The following PKHD1L1 variants were observed in gnomAD, a reference collection of about 807,000 sequenced individuals.
PKHD1L1 encodes the protein PKHD1 like 1.
PKHD1L1 carries 434 observed loss-of-function variants against 462.9 expected under a neutral mutation model. The observed-to-expected ratio is 0.94, with a 90% CI of 0.87 to 1.02. The LOEUF is 1.02. Among genes scored for constraint, PKHD1L1 ranks in the 50% least tolerant of loss-of-function variants. The probability of loss-of-function intolerance (pLI) is 0.00; values close to 1 mark genes in which losing one functional copy is unlikely to be tolerated. For missense variants in PKHD1L1, 5,202 were observed against 5,096.1 expected (o/e 1.02, Z -0.63); for synonymous variants, 1,781 against 1,750.0 (o/e 1.02, Z -0.44).
At position 109,388,414 on chromosome 8, in the gene PKHD1L1, C is replaced by A. The variant is rs570790223; in HGVS notation, c.570-83C>A. On this transcript the variant is annotated intron_variant, in intron 6 of 77. Coordinates refer to ENST00000378402, the MANE Select transcript of PKHD1L1 (RefSeq NM_177531.6). ...GATTGAGAAAAAAAATTTAAGGGAA[C>A]CAGTGAGTTGATGGGAGGAGTGCAT... The A allele has an allele frequency of 4.4e-5, 42 of 955,142 alleles. 1 individual carries two copies. The South Asian group carries it at 5.9e-4, about 13-fold the overall frequency. 59.2% of individuals were successfully genotyped at this position (955,142 alleles called of 1,614,324 possible).
In PKHD1L1 at chr8:109,404,585, A is replaced by C. The variant is rs1456921652; in HGVS notation, c.1405A>C (p.Arg469=). Residue 469 remains arginine (R), a synonymous_variant, in exon 15 of 78, where the codon AGA becomes CGA. Coordinates refer to ENST00000378402, the MANE Select transcript of PKHD1L1 (RefSeq NM_177531.6). The part of the protein sequence containing the change: ...YYIEILLQEY[R]LSAFVDVGLY... ...TATTGAAATCTTGCTGCAGGAGTAC[A>C]GATTAAGTGCATTTGTTGATGTTGG... 6.3e-7 allele frequency: 1 copy of C among 1,585,450 alleles called. No individual in the cohort carries two copies. Among genetic ancestry groups the C allele is most frequent in the Non-Finnish European group, 8.6e-7 (1 of 1,164,856 alleles).
intron 37 of PKHD1L1, 68 bp downstream of exon 37, chr8:109,443,970 C>A: frequency 7.5e-7 from 1 of 1,336,028 alleles, no homozygotes; most frequent in Non-Finnish European, 1.0e-6. Context: ...TGACGATAAC[C>A]TTGTTATTTA....
chr8:109,518,766 A>G (rs1465816915), intron 73 of PKHD1L1, among the ~76,000 whole-genome samples: 1 of 152,176 alleles, frequency 6.6e-6, no homozygotes, highest in Non-Finnish European at 1.5e-5. Flanking sequence ...TCTAATATAA[A>G]AAGATCTGGG....
rs200615462 is a variant in PKHD1L1, at chr8:109,452,825, C to A, written c.6615C>A (p.Thr2205=). The A allele has an allele frequency of 2.0e-4, 300 of 1,530,556 alleles. 3 individuals carry two copies. In the African/African-American group the frequency reaches 3.9e-3, roughly 20 times the overall value. 94.8% of individuals were successfully genotyped at this position (1,530,556 alleles called of 1,614,324 possible). A position where few individuals can be genotyped will look rare whatever the true frequency, so the allele number is the denominator to read the frequency against. Residue 2205 remains threonine (T), a synonymous_variant, in exon 43 of 78, where the codon ACC becomes ACA. Coordinates refer to ENST00000378402, the MANE Select transcript of PKHD1L1 (RefSeq NM_177531.6). ...TTGTTGTTATTACAAAAGGACAGACCATTCTGCTGGATCAAAGCACCCCTA... is the reference window on the plus strand; with the variant it reads ...TTGTTGTTATTACAAAAGGACAGACAATTCTGCTGGATCAAAGCACCCCTA... ...GSLVVITKGQ[T]ILLDQSTPIL... is the part of the protein sequence containing the mutation.
Position 109,497,248 on chromosome 8 carries a change from T to G in PKHD1L1, c.10575T>G (p.Ile3525Met). The change falls in exon 65 of 78, where the codon ATT (isoleucine) becomes ATG (methionine). Residue 3525 changes from isoleucine to methionine, a missense_variant. This residue lies in a region of PKHD1L1 where 4,497 missense variants were observed against 4,336.8 expected (regional missense o/e 1.04). Coordinates refer to ENST00000378402, the MANE Select transcript of PKHD1L1 (RefSeq NM_177531.6). ...TGCCAGCTGCTATATCACACAAAATTTCCAGTAAAAATGTACAAATTAAGG... is the reference window on the plus strand; with the variant it reads ...TGCCAGCTGCTATATCACACAAAATGTCCAGTAAAAATGTACAAATTAAGG... ...IYMPAAISHKISSKNVQIKSS... is the reference protein window; with the variant it reads ...IYMPAAISHKMSSKNVQIKSS... The G allele has an allele frequency of 1.2e-6, 2 of 1,613,378 alleles. No homozygotes were observed. The highest frequency in any genetic ancestry group is 1.7e-6 in the Non-Finnish European group (2 of 1,179,606).
chr8:109,497,360 T>C (rs1819151221), intron 65 of PKHD1L1, 88 bp downstream of exon 65: 1 of 1,424,412 alleles, frequency 7.0e-7, no homozygotes, highest in East Asian at 2.3e-5. Context: ...ATAATCTCCT[T>C]AACTTCTATC....
rs1046185844 is a variant in PKHD1L1, at chr8:109,464,916, G to T, written c.8084G>T (p.Gly2695Val). Reference sequence around the variant, plus strand: ...AGGATCCTGGCTCCTTATGTTGGAGGGTGGGGTGAAACCAATGGAGCGGTG... The same window carrying T: ...AGGATCCTGGCTCCTTATGTTGGAGTGTGGGGTGAAACCAATGGAGCGGTG... ...TKRILAPYVG[G>V]WGETNGAVIK... Residue 2695 changes from glycine to valine, a missense_variant, in exon 49 of 78, where the codon GGG becomes GTG. Gly to Val is a moderately radical substitution (Grantham distance 109). Transcript: ENST00000378402. The T allele has an allele frequency of 1.9e-6, 3 of 1,613,682 alleles. No individual in the cohort carries two copies. In the African/African-American group the frequency reaches 4.0e-5, roughly 22 times the overall value.
intron 71 of PKHD1L1, among the ~76,000 whole-genome samples, chr8:109,513,968 T>A (rs1820135397): frequency 6.6e-6 from 1 of 152,038 alleles, no homozygotes; most frequent in African/African-American, 2.4e-5. Flanking sequence ...TCAGATCACG[T>A]CTCTCCCATG....
At chr8:109,382,083 T>C (rs1197478295) in intron 3 of PKHD1L1, among the ~76,000 whole-genome samples, 1 of 152,182 alleles carries the variant, frequency 6.6e-6, no homozygotes, top group African/African-American at 2.4e-5. Flanking sequence ...AGGAAAAGCT[T>C]ACTAAGGGGA....
At chr8:109,526,516 A>AG (rs1395656331) in intron 76 of PKHD1L1, among the ~76,000 whole-genome samples, 1 of 152,166 alleles carries the variant, frequency 6.6e-6, no homozygotes, top group Non-Finnish European at 1.5e-5. Flanking sequence ...GGCACTAGGA[A>AG]GGGGCTCTAA....
In PKHD1L1 at chr8:109,475,736, A is replaced by G. The variant is rs549709597; in HGVS notation, c.8757+467A>G. On this transcript the variant is annotated intron_variant, in intron 51 of 77. Coordinates refer to ENST00000378402, the MANE Select transcript of PKHD1L1 (RefSeq NM_177531.6). ...GTGGTGGGCATCTGTAGTCCCAGCT[A>G]CTTGGGGAGACTGGGGCAGGAGAAT... is the stretch of plus-strand genomic sequence containing the variant. Among the ~76,000 whole-genome samples the G allele has an allele frequency of 2.7e-4, 40 of 150,876 alleles. 1 individual carries two copies. In the South Asian group the frequency reaches 6.3e-3, roughly 24 times the overall value.
chr8:109,511,828 C>T (rs1279664164), intron 71 of PKHD1L1, among the ~76,000 whole-genome samples: 1 of 152,208 alleles, frequency 6.6e-6, no homozygotes, highest in Non-Finnish European at 1.5e-5. Flanking sequence ...AAAAGTGTTC[C>T]TATTTCTCCA....
At chr8:109,398,897 T>TA (rs200900490) in intron 12 of PKHD1L1, among the ~76,000 whole-genome samples, 19 of 152,090 alleles carry the variant, frequency 1.2e-4, no homozygotes, top group African/African-American at 4.3e-4. Flanking sequence ...TTTTTCTGAT[T>TA]AAAAAAAGAT....
At position 109,518,335 on chromosome 8, in the gene PKHD1L1, A is replaced by T; in HGVS notation, c.11858A>T (p.Tyr3953Phe). 1 of 1,613,496 alleles carries T rather than the reference A, an allele frequency of 6.2e-7. No individual in the cohort carries two copies. Among genetic ancestry groups the T allele is most frequent in the Non-Finnish European group, 8.5e-7 (1 of 1,179,580 alleles). The change falls in exon 73 of 78, where the codon TAT (tyrosine) becomes TTT (phenylalanine). Residue 3953 changes from tyrosine to phenylalanine, a missense_variant. By Grantham distance (22) the Tyr-to-Phe change is conservative. Coordinates refer to ENST00000378402, the MANE Select transcript of PKHD1L1 (RefSeq NM_177531.6). ...TCTGTTGCAACAGAAGATGACTTTTATACCTCTCACAATCTGGTTAAAAAT... is the reference window on the plus strand; with the variant it reads ...TCTGTTGCAACAGAAGATGACTTTTTTACCTCTCACAATCTGGTTAAAAAT... ...QLSVATEDDF[Y>F]TSHNLVKNLA...
At position 109,534,908 on chromosome 8, in the gene PKHD1L1, G is replaced by GT. The variant is rs145885682; in HGVS notation, c.*4828dup. Among the ~76,000 whole-genome samples the GT allele has an allele frequency of 0.77, 114,774 of 149,504 alleles. 44,469 individuals are homozygous for GT. The highest frequency in any genetic ancestry group is 0.92 in the Middle Eastern group (266 of 288). On this transcript the variant is annotated 3_prime_UTR_variant, in exon 78 of 78. Transcript: ENST00000378402. Reference sequence around the variant, plus strand: ...ACCCATGAATGTGACTTTATTAGAGGTTTTTTTTTTAGGTTAAGGACTATG... The same window carrying GT: ...ACCCATGAATGTGACTTTATTAGAGGTTTTTTTTTTTAGGTTAAGGACTATG...
chr8:109,479,397 C>T (rs1818157991), intron 53 of PKHD1L1, among the ~76,000 whole-genome samples, 154 bp from the exon 54 acceptor site: 1 of 151,318 alleles, frequency 6.6e-6, no homozygotes, highest in Non-Finnish European at 1.5e-5. Context: ...GAAATAGCAC[C>T]ATGTGTCAAG....
chr8:109,435,309 CAG>C lies in PKHD1L1; in HGVS notation c.3463_3464del (p.Gln1156AspfsTer7). The C allele has an allele frequency of 1.2e-6, 2 of 1,613,694 alleles. No individual in the cohort carries two copies. Among genetic ancestry groups the C allele is most frequent in the Middle Eastern group, 1.7e-4 (1 of 6,058 alleles). ...GGGTGAAGAGTTCTACTTTGTTTAT[CAG>C]AGTCAGATCTCACATATCTGGCCTG... ...VGGEEFYFVY[Q>X]SQISHIWPDS... On this transcript the variant is annotated frameshift_variant, in exon 29 of 78. Coordinates refer to ENST00000378402, the MANE Select transcript of PKHD1L1 (RefSeq NM_177531.6). LOFTEE classifies it high-confidence loss of function.
Position 109,515,313 on chromosome 8 carries a change from C to G in PKHD1L1, c.11689+8C>G, listed in dbSNP as rs754071062. 3 of 1,542,266 alleles carry G rather than the reference C, an allele frequency of 1.9e-6. No individual in the cohort carries two copies. The Admixed American group carries it at 6.1e-5, about 31-fold the overall frequency. ...ATAACCATCTGTACAAAGGTATTGTCTCAGAAAAAATACAGTACACATGGA... is the reference window on the plus strand; with the variant it reads ...ATAACCATCTGTACAAAGGTATTGTGTCAGAAAAAATACAGTACACATGGA... On this transcript the variant is annotated splice_region_variant and intron_variant, in intron 72 of 77. Coordinates refer to ENST00000378402, the MANE Select transcript of PKHD1L1 (RefSeq NM_177531.6).
At position 109,515,161 on chromosome 8, in the gene PKHD1L1, C is replaced by A. The variant is rs763901689; in HGVS notation, c.11554-9C>A. The A allele has an allele frequency of 6.5e-7, 1 of 1,541,868 alleles. No homozygotes were observed. The highest frequency in any genetic ancestry group is 1.2e-5 in the South Asian group (1 of 81,326). On this transcript the variant is annotated splice_polypyrimidine_tract_variant and intron_variant, in intron 71 of 77. Transcript: ENST00000378402. ...TGTTGCTTTCTTAAAACTTTTTTTT[C>A]TTTAATAGGCTGTTCTAGTAGGAAT...
Sources: gnomAD v4.1 joint callset for allele counts (sites outside exome capture counted in the v4.1 genomes callset) on GRCh38, gnomAD v4.1.1 for gene constraint, gnomAD v4.1.1 regional missense constraint, MANE v1.5 for transcripts, NCBI Gene and HGNC (gene_info 2026-07-23, HGNC 2026-07-21) for gene names.